Variants in ZNF521 observed in about 807,000 individuals in gnomAD.
ZNF521 encodes the protein zinc finger protein 521.
Under a neutral mutation model 105.5 loss-of-function variants are expected in ZNF521, and 14 were observed. The ratio of observed to expected loss-of-function variants is 0.13; its 90% CI spans 0.09 to 0.21. ZNF521 has a LOEUF of 0.21. ZNF521 is among the 10% of genes least tolerant of loss of function. The pLI is 1.00. For missense variants in ZNF521, 1,233 were observed against 1,629.7 expected (o/e 0.76, Z 4.19); for synonymous variants, 635 against 606.0 (o/e 1.05, Z -0.70).
At chr18:25,190,427 G>A (rs1228109131) in intron 5 of ZNF521, among the ~76,000 whole-genome samples, 2 of 152,134 alleles carry the variant, frequency 1.3e-5, no homozygotes, top group Non-Finnish European at 2.9e-5. Context: ...TTTGAAACCA[G>A]TCGGTGAAAG....
rs543977645 is a variant in ZNF521 at position 25,092,341 on chromosome 18, A to G, written c.3659-260T>C. 2.0e-5 allele frequency among the ~76,000 whole-genome samples: 3 copies of G among 152,306 alleles called. No individual in the cohort carries two copies. The South Asian group carries it at 6.2e-4, about 32-fold the overall frequency. On this transcript the variant is annotated intron_variant, in intron 5 of 7. Coordinates refer to ENST00000361524, the MANE Select transcript of ZNF521 (RefSeq NM_015461.3). The stretch of plus-strand genomic sequence containing the variant: ...GCATTTTATTACACTTTTAAAATAT[A>G]ATTGGTGTATCAATAATGAGGCATT...
At chr18:25,093,679 C>T (rs548990681) in intron 5 of ZNF521, among the ~76,000 whole-genome samples, 100 of 152,268 alleles carry the variant, frequency 6.6e-4, no homozygotes, top group Admixed American at 1.4e-3. Flanking sequence ...GTACTGTCTA[C>T]ATTTCACAAG....
intron 7 of ZNF521, among the ~76,000 whole-genome samples, chr18:25,066,706 C>T (rs902142155): frequency 1.3e-5 from 2 of 152,228 alleles, no homozygotes; most frequent in African/African-American, 4.8e-5. Flanking sequence ...CTCCCCCTGG[C>T]TACTTGCCAC....
intron 3 of ZNF521, among the ~76,000 whole-genome samples, chr18:25,321,583 C>T (rs897146549): frequency 6.6e-6 from 1 of 152,064 alleles, no homozygotes; most frequent in Non-Finnish European, 1.5e-5. Flanking sequence ...TATGGGAACA[C>T]AAAAAAATGT....
intron 2 of ZNF521, 142 bp downstream of exon 2, chr18:25,350,765 G>T: frequency 1.3e-6 from 1 of 765,486 alleles, no homozygotes; most frequent in Non-Finnish European, 2.0e-6. Flanking sequence ...TAGGGGCTCA[G>T]CGGGGAGGGG....
intron 3 of ZNF521, among the ~76,000 whole-genome samples, chr18:25,235,038 A>T (rs1485745332): frequency 6.6e-6 from 1 of 152,230 alleles, no homozygotes; most frequent in Non-Finnish European, 1.5e-5. Flanking sequence ...ACTCACAGAT[A>T]TCTTGAAAAT....
At chr18:25,235,600 T>C (rs1039765615) in intron 3 of ZNF521, among the ~76,000 whole-genome samples, 1 of 152,212 alleles carries the variant, frequency 6.6e-6, no homozygotes, top group African/African-American at 2.4e-5. Context: ...TTACTGACTA[T>C]TTTTCCAACA....
chr18:25,347,886 CTTG>C (rs1171179746), intron 2 of ZNF521, among the ~76,000 whole-genome samples: 8 of 152,152 alleles, frequency 5.3e-5, no homozygotes, highest in African/African-American at 1.9e-4. Context: ...TCTTTTACAT[CTTG>C]TTGGTTAAAG....
intron 5 of ZNF521, among the ~76,000 whole-genome samples, chr18:25,167,904 T>C (rs1011202957): frequency 6.6e-6 from 1 of 152,194 alleles, no homozygotes; most frequent in Non-Finnish European, 1.5e-5. Flanking sequence ...TCTGAAGTAT[T>C]GAATGGCTTT....
intron 3 of ZNF521, among the ~76,000 whole-genome samples, chr18:25,270,544 C>T (rs1196595286): frequency 2.6e-5 from 4 of 152,066 alleles, no homozygotes; most frequent in African/African-American, 7.2e-5. Context: ...ACTGGCAAAC[C>T]GAATCCAGCA....
chr18:25,234,315 T>A (rs1600190304), intron 3 of ZNF521, among the ~76,000 whole-genome samples: 1 of 152,200 alleles, frequency 6.6e-6, no homozygotes, highest in Non-Finnish European at 1.5e-5. Flanking sequence ...AGAGTGGATT[T>A]CCTGAGTCTG....
intron 4 of ZNF521, among the ~76,000 whole-genome samples, chr18:25,212,509 C>CAAAAAAAAAA (rs59178760): frequency 1.4e-4 from 3 of 21,706 alleles, no homozygotes; most frequent in African/African-American, 2.0e-4. Context: ...GACTTAGTCT[C>CAAAAAAAAAA]AAAAAAAAAA....
At chr18:25,248,765 G>A (rs571664306) in intron 3 of ZNF521, among the ~76,000 whole-genome samples, 19 of 152,220 alleles carry the variant, frequency 1.2e-4, no homozygotes, top group African/African-American at 2.2e-4. Context: ...CTACAAGTGC[G>A]CACTTATTTA....
At chr18:25,297,222 G>A (rs542939753) in intron 3 of ZNF521, among the ~76,000 whole-genome samples, 1 of 151,728 alleles carries the variant, frequency 6.6e-6, no homozygotes, top group East Asian at 1.9e-4. Context: ...CAAAACATAT[G>A]TAACACACTA....
chr18:25,254,903 G>A (rs999522265), intron 3 of ZNF521, among the ~76,000 whole-genome samples: 8 of 152,024 alleles, frequency 5.3e-5, no homozygotes, highest in Non-Finnish European at 8.8e-5. Flanking sequence ...ATGAACTAGC[G>A]CAGTGAAAAC....
intron 2 of ZNF521, among the ~76,000 whole-genome samples, chr18:25,348,398 A>G (rs1914555556): frequency 6.6e-6 from 1 of 152,212 alleles, no homozygotes. Context: ...CTCTTCTTCA[A>G]AACCGCTACT....
At chr18:25,155,681 T>A (rs2144503248) in intron 5 of ZNF521, among the ~76,000 whole-genome samples, 1 of 152,348 alleles carries the variant, frequency 6.6e-6, no homozygotes, top group Admixed American at 6.5e-5. Context: ...GGCCTATCCT[T>A]TCCTCACTGT....
intron 3 of ZNF521, among the ~76,000 whole-genome samples, chr18:25,253,627 T>C (rs1908266393): frequency 6.6e-6 from 1 of 152,176 alleles, no homozygotes; most frequent in Non-Finnish European, 1.5e-5. Flanking sequence ...TGGTTCCATT[T>C]AGATTTTGTG....
intron 2 of ZNF521, among the ~76,000 whole-genome samples, chr18:25,350,406 G>T (rs970837566): frequency 2.1e-4 from 32 of 152,084 alleles, no homozygotes; most frequent in African/African-American, 7.7e-4. Flanking sequence ...GGGAGGCGGC[G>T]GCCGGGACCC....
Sources: allele counts gnomAD v4.1 joint callset (sites outside exome capture counted in the v4.1 genomes callset), GRCh38; gene constraint gnomAD v4.1.1; transcripts MANE v1.5; gene names NCBI Gene and HGNC (gene_info 2026-07-23, HGNC 2026-07-21).